CAPRIN1: variants seen among roughly 807,000 people sequenced by gnomAD.
CAPRIN1 encodes caprin-1.
CAPRIN1 carries 29 observed loss-of-function variants against 100.9 expected under a neutral mutation model. The observed-to-expected ratio is 0.29, with a 90% CI of 0.21 to 0.39. The LOEUF (loss-of-function observed/expected upper bound fraction) is 0.39. CAPRIN1 is among the 10% of genes least tolerant of loss of function. The pLI is 1.00. For synonymous variants in CAPRIN1, 338 were observed against 307.5 expected, an observed-to-expected ratio of 1.10 and a Z score of -1.04; for missense variants, 795 against 876.7, an observed-to-expected ratio of 0.91 and a Z score of 1.18.
At chr11:34,093,966 T>G (rs536683861) in intron 15 of CAPRIN1, among the ~76,000 whole-genome samples, 558 of 3,620 alleles carry the variant, frequency 0.15, 3 homozygotes, top group African/African-American at 0.2. Context: ...CTTTTTCTAT[T>G]TTTTTAAAAA....
At chr11:34,072,093 A>G (rs965648479) in intron 4 of CAPRIN1, 106 bp downstream of exon 4, 1 of 657,658 alleles carries the variant, frequency 1.5e-6, no homozygotes, top group African/African-American at 1.8e-5. Context: ...AGACAGTTGT[A>G]TCCAATTATA....
chr11:34,054,977 A>T (rs1850418678), intron 2 of CAPRIN1, among the ~76,000 whole-genome samples: 1 of 152,180 alleles, frequency 6.6e-6, no homozygotes, highest in Admixed American at 6.5e-5. Context: ...GCTGATTGGC[A>T]GCCAATTTAG....
chr11:34,092,170 C>A, intron 15 of CAPRIN1, 114 bp downstream of exon 15: 1 of 940,608 alleles, frequency 1.1e-6, no homozygotes, highest in Non-Finnish European at 1.5e-6. Context: ...GTTTTAGTAG[C>A]AGACCATATG....
At position 34,099,338 on chromosome 11, in the gene CAPRIN1, C is replaced by T; in HGVS notation, c.2101C>T (p.Pro701Ser). Reference sequence around the variant, plus strand: ...GCCCCCAAGACCCAACAGAGGGATGCCGCAAATGAACACTCAGCAAGTGAA... The same window carrying T: ...GCCCCCAAGACCCAACAGAGGGATGTCGCAAATGAACACTCAGCAAGTGAA... The part of the protein sequence containing the change: ...GGPPRPNRGM[P>S]QMNTQQVN The change falls in exon 19 of 19, where the codon CCG becomes TCG. Residue 701 changes from proline (P) to serine (S), a missense_variant. Around this residue, in one of 3 missense-constraint regions of CAPRIN1, gnomAD observed 648 missense variants for 697.9 expected, o/e 0.93. Coordinates refer to ENST00000341394, the MANE Select transcript of CAPRIN1 (RefSeq NM_005898.5). 1.9e-6 allele frequency: 3 copies of T among 1,613,600 alleles called. No individual in the cohort carries two copies. The highest frequency in any genetic ancestry group is 2.5e-6 in the Non-Finnish European group (3 of 1,179,734).
chr11:34,061,078 A>G (rs1850567153), intron 2 of CAPRIN1, among the ~76,000 whole-genome samples: 3 of 152,318 alleles, frequency 2.0e-5, no homozygotes, highest in East Asian at 1.9e-4. Context: ...CAAGGAATAA[A>G]GGTTTTTACA....
At chr11:34,081,582 C>T (rs1851029950) in intron 7 of CAPRIN1, among the ~76,000 whole-genome samples, 1 of 152,068 alleles carries the variant, frequency 6.6e-6, no homozygotes, top group Non-Finnish European at 1.5e-5. Context: ...CAGTTTCCAC[C>T]TCCAAGGGTC....
intron 7 of CAPRIN1, among the ~76,000 whole-genome samples, chr11:34,081,567 C>T (rs781459128): frequency 6.6e-6 from 1 of 151,750 alleles, no homozygotes; most frequent in Non-Finnish European, 1.5e-5. Context: ...GATCTTGGCT[C>T]ACTGCAGTTT....
intron 9 of CAPRIN1, 96 bp from the exon 10 acceptor site, chr11:34,085,968 T>A: frequency 1.1e-6 from 1 of 920,876 alleles, no homozygotes; most frequent in Non-Finnish European, 1.7e-6. Flanking sequence ...GTTTATAGTA[T>A]AGATGGTTTA....
intron 15 of CAPRIN1, among the ~76,000 whole-genome samples, chr11:34,093,023 TA>T (rs1851291914): frequency 1.3e-5 from 2 of 148,626 alleles, no homozygotes; most frequent in African/African-American, 5.0e-5. Context: ...CATGGCTGGC[TA>T]ATTTTTTTTT....
Position 34,093,106 on chromosome 11 carries a change from C to T in CAPRIN1, c.1705+1050C>T, listed in dbSNP as rs149063752. 6.1e-3 allele frequency among the ~76,000 whole-genome samples: 928 copies of T among 151,326 alleles called. 11 individuals carry two copies. The highest frequency in any genetic ancestry group is 0.021 in the African/African-American group (871 of 41,148). On this transcript the variant is annotated intron_variant, in intron 15 of 18. Transcript: ENST00000341394. ...CTGATCTCCAACTCCTTGCCTTGAG[C>T]GAACTTATTGTCTCTGTCTCCCAGA...
At chr11:34,062,246 T>C (rs188777639) in intron 2 of CAPRIN1, among the ~76,000 whole-genome samples, 2 of 152,240 alleles carry the variant, frequency 1.3e-5, no homozygotes, top group African/African-American at 4.8e-5. Flanking sequence ...CTGCCTACCA[T>C]TGTGGGCAAA....
chr11:34,097,590 G>A (rs1385716992), intron 17 of CAPRIN1, 108 bp from the exon 18 acceptor site: 1 of 1,224,344 alleles, frequency 8.2e-7, no homozygotes, highest in Non-Finnish European at 1.2e-6. Context: ...ATACTGAAGT[G>A]TCTAAAAGAT....
chr11:34,093,046 A>G (rs1411201633), intron 15 of CAPRIN1, among the ~76,000 whole-genome samples: 2 of 144,994 alleles, frequency 1.4e-5, no homozygotes, highest in African/African-American at 2.6e-5. Context: ...TTTTTTGTAG[A>G]GATAGGGTCT....
Position 34,102,067 on chromosome 11 carries a change from T to G in CAPRIN1, c.*2700T>G, listed in dbSNP as rs1851462323. ...TTTTTTTTCAATCATTGTACCTTGA[T>G]ATTAAAACAAATATCCTTTAAGTAT... On this transcript the variant is annotated 3_prime_UTR_variant, in exon 19 of 19. Transcript: ENST00000341394. 6.6e-6 allele frequency among the ~76,000 whole-genome samples: 1 copy of G among 152,244 alleles called. No individual in the cohort carries two copies. The highest frequency in any genetic ancestry group is 2.4e-5 in the African/African-American group (1 of 41,468).
chr11:34,061,969 C>A (rs373057587), intron 2 of CAPRIN1, among the ~76,000 whole-genome samples: 225 of 118,178 alleles, frequency 1.9e-3, no homozygotes, highest in South Asian at 2.6e-3. Context: ...GAGTCTGTCT[C>A]AAAAAAAAAA....
In CAPRIN1 at chr11:34,086,120, C is replaced by A. The variant is rs1222622013; in HGVS notation, c.1023C>A (p.Pro341=). The A allele has an allele frequency of 1.2e-6, 2 of 1,614,022 alleles. No individual in the cohort carries two copies. Among genetic ancestry groups the A allele is most frequent in the African/African-American group, 1.3e-5 (1 of 75,024 alleles). Reference sequence around the variant, plus strand: ...CTGCATCCCCTTCAGTACCAGAGCCCCACTCTTTGACTCCAGTGGCTCAGG... The same window carrying A: ...CTGCATCCCCTTCAGTACCAGAGCCACACTCTTTGACTCCAGTGGCTCAGG... ...PQAASPSVPE[P]HSLTPVAQAD... is the part of the protein sequence containing the mutation. Residue 341 remains proline (P), a synonymous_variant, in exon 10 of 19, where the codon CCC becomes CCA. Transcript: ENST00000341394.
chr11:34,071,228 C>T (rs1444028129), intron 2 of CAPRIN1, among the ~76,000 whole-genome samples: 2 of 152,168 alleles, frequency 1.3e-5, no homozygotes, highest in African/African-American at 4.8e-5. Flanking sequence ...ACAGTACAGC[C>T]TTTGATATCA....
Position 34,099,355 on chromosome 11 carries a change from GCAAGTGAATTAATCTGATTCA to G in CAPRIN1, c.2121_*11del. The G allele has an allele frequency of 6.2e-7, 1 of 1,613,442 alleles. No individual in the cohort carries two copies. Among genetic ancestry groups the G allele is most frequent in the Non-Finnish European group, 8.5e-7 (1 of 1,179,436 alleles). On this transcript the variant is annotated stop_lost and 3_prime_UTR_variant, in exon 19 of 19. Coordinates refer to ENST00000341394, the MANE Select transcript of CAPRIN1 (RefSeq NM_005898.5). ...GAGGGATGCCGCAAATGAACACTCA[GCAAGTGAATTAATCTGATTCA>G]CAGGATTATGTTTAATCGCCAAAAA...
At chr11:34,093,297 C>T (rs1470188150) in intron 15 of CAPRIN1, among the ~76,000 whole-genome samples, 2 of 151,630 alleles carry the variant, frequency 1.3e-5, no homozygotes, top group Admixed American at 1.3e-4. Flanking sequence ...GGCTCAAATC[C>T]TGTACTGGAG....
Sources: allele counts gnomAD v4.1 joint callset (sites outside exome capture counted in the v4.1 genomes callset), GRCh38; gene constraint gnomAD v4.1.1; regional missense constraint gnomAD v4.1.1; transcripts MANE v1.5; gene names NCBI Gene and HGNC (gene_info 2026-07-23, HGNC 2026-07-21).